RUNDC3B: variants seen among roughly 807,000 people sequenced by gnomAD.
The protein encoded by RUNDC3B is RUN domain containing 3B, also known as RUN domain-containing protein 3B.
Under a neutral mutation model 58.4 loss-of-function variants are expected in RUNDC3B, and 33 were observed. The observed-to-expected ratio is 0.56, with a 90% CI of 0.43 to 0.75. RUNDC3B has a LOEUF of 0.75. Ranked by LOEUF, RUNDC3B falls within the 30% of genes least tolerant of loss-of-function variation. The probability of loss-of-function intolerance (pLI) is 0.00; values close to 1 mark genes in which losing one functional copy is unlikely to be tolerated. For missense variants in RUNDC3B, 501 were observed against 535.7 expected, an observed-to-expected ratio of 0.94 and a Z score of 0.64; for synonymous variants, 193 against 195.2, an observed-to-expected ratio of 0.99 and a Z score of 0.10.
chr7:87,713,787 A>C (rs1016100050), intron 4 of RUNDC3B, among the ~76,000 whole-genome samples: 1 of 152,142 alleles, frequency 6.6e-6, no homozygotes, highest in Non-Finnish European at 1.5e-5. Flanking sequence ...TAATTAGTAA[A>C]TTTCAATTTA....
chr7:87,729,815 C>T (rs1831472716), intron 4 of RUNDC3B, among the ~76,000 whole-genome samples: 1 of 152,138 alleles, frequency 6.6e-6, no homozygotes, highest in Non-Finnish European at 1.5e-5. Context: ...CTGGAAGAGA[C>T]TCCTTCCCTC....
chr7:87,777,708 A>G, intron 7 of RUNDC3B, 90 bp from the exon 8 acceptor site: 2 of 947,122 alleles, frequency 2.1e-6, no homozygotes, highest in Non-Finnish European at 3.2e-6. Context: ...CAATATAAAT[A>G]GGAATAGCAT....
In RUNDC3B at chr7:87,628,771, TGGG is replaced by T. The variant is rs1313306306; in HGVS notation, c.-49_-47del. 2 of 1,098,406 alleles carry T rather than the reference TGGG, an allele frequency of 1.8e-6. No homozygotes were observed. Among genetic ancestry groups the T allele is most frequent in the Admixed American group, 8.5e-5 (2 of 23,490 alleles). 68.0% of individuals were successfully genotyped at this position (1,098,406 alleles called of 1,614,324 possible). A position where few individuals can be genotyped will look rare whatever the true frequency, so the allele number is the denominator to read the frequency against. ...GAGCGAGAACCCCCTTAAGCAGGTG[TGGG>T]GGGCGTGCGGGGTGGCACGAGACAA... On this transcript the variant is annotated 5_prime_UTR_variant, in exon 1 of 11. Coordinates refer to ENST00000394654, the MANE Select transcript of RUNDC3B (RefSeq NM_001134405.2).
At chr7:87,630,222 A>G (rs1411394402) in intron 1 of RUNDC3B, among the ~76,000 whole-genome samples, 2 of 152,178 alleles carry the variant, frequency 1.3e-5, no homozygotes, top group Non-Finnish European at 2.9e-5. Context: ...AAATGTGTCT[A>G]GCATCTTAAG....
intron 6 of RUNDC3B, among the ~76,000 whole-genome samples, chr7:87,765,679 T>TA (rs1166917896): frequency 3.9e-5 from 6 of 152,206 alleles, no homozygotes; most frequent in Non-Finnish European, 4.4e-5. Context: ...TTTCAGTTTT[T>TA]AAAAATTTAT....
At chr7:87,794,033 C>A (rs1046015892) in intron 8 of RUNDC3B, among the ~76,000 whole-genome samples, 1 of 152,034 alleles carries the variant, frequency 6.6e-6, no homozygotes, top group African/African-American at 2.4e-5. Flanking sequence ...TTTCTATATG[C>A]CAACAATGAA....
chr7:87,630,401 T>C (rs1821096088), intron 1 of RUNDC3B, among the ~76,000 whole-genome samples: 1 of 152,248 alleles, frequency 6.6e-6, no homozygotes. Flanking sequence ...TAAAGTAATA[T>C]GGTATCCGTT....
At chr7:87,695,139 T>G (rs575391893) in intron 2 of RUNDC3B, among the ~76,000 whole-genome samples, 9 of 152,282 alleles carry the variant, frequency 5.9e-5, no homozygotes, top group Admixed American at 3.3e-4. Context: ...AGATTCAATT[T>G]AAAGTGTAAC....
At chr7:87,807,231 A>G in intron 8 of RUNDC3B, 142 bp from the exon 9 acceptor site, 1 of 646,648 alleles carries the variant, frequency 1.5e-6, no homozygotes. Flanking sequence ...TGTCCCAACC[A>G]TCCTTGCTGT....
intron 1 of RUNDC3B, among the ~76,000 whole-genome samples, chr7:87,639,263 T>C (rs185712764): frequency 1.3e-5 from 2 of 152,156 alleles, no homozygotes; most frequent in South Asian, 2.1e-4. Flanking sequence ...GCAGAGAACA[T>C]ATTCTGAAAG....
In RUNDC3B at chr7:87,628,584, C is replaced by CGTGCGTGCGTGTGTGT. The variant is rs1468348829; in HGVS notation, c.-237_-236insCGTGCGTGTGTGTGTG. 7.2e-6 allele frequency: 2 copies of CGTGCGTGCGTGTGTGT among 278,404 alleles called. No homozygotes were observed. Among genetic ancestry groups the CGTGCGTGCGTGTGTGT allele is most frequent in the African/African-American group, 4.8e-5 (2 of 41,374 alleles). The allele number at this position is 278,404 out of a possible 1,614,324, so 17.2% of individuals were successfully genotyped here. A position where few individuals can be genotyped will look rare whatever the true frequency, so the allele number is the denominator to read the frequency against. On this transcript the variant is annotated 5_prime_UTR_variant, in exon 1 of 11. Coordinates refer to ENST00000394654, the MANE Select transcript of RUNDC3B (RefSeq NM_001134405.2). ...CGAGGGCGGAGGTGGTGCGTGCGTGCGTGTGTGTGTGTGTGTGTGTGTGTG... is the reference window on the plus strand; with the variant it reads ...CGAGGGCGGAGGTGGTGCGTGCGTGCGTGCGTGCGTGTGTGTGTGTGTGTGTGTGTGTGTGTGTGTG...
chr7:87,630,560 A>G (rs1199140837), intron 1 of RUNDC3B, among the ~76,000 whole-genome samples: 1 of 152,192 alleles, frequency 6.6e-6, no homozygotes, highest in Non-Finnish European at 1.5e-5. Context: ...GACATCAAAA[A>G]TTGCTTTAAA....
At chr7:87,800,005 C>G (rs1332167001) in intron 8 of RUNDC3B, among the ~76,000 whole-genome samples, 1 of 152,068 alleles carries the variant, frequency 6.6e-6, no homozygotes, top group African/African-American at 2.4e-5. Flanking sequence ...ATTGCTCACT[C>G]ACACTTTCAA....
At chr7:87,641,029 T>G (rs921706453) in intron 1 of RUNDC3B, among the ~76,000 whole-genome samples, 1 of 152,188 alleles carries the variant, frequency 6.6e-6, no homozygotes, top group African/African-American at 2.4e-5. Context: ...TTTTATGGTC[T>G]GCTTTTTCTC....
chr7:87,772,223 GTTTAATA>G (rs2130872384), intron 7 of RUNDC3B, among the ~76,000 whole-genome samples: 1 of 151,954 alleles, frequency 6.6e-6, no homozygotes, highest in South Asian at 2.1e-4. Flanking sequence ...ATAATTTAAT[GTTTAATA>G]ACAGCAATGT....
intron 2 of RUNDC3B, among the ~76,000 whole-genome samples, chr7:87,653,871 T>C (rs1029829518): frequency 6.6e-6 from 1 of 152,006 alleles, no homozygotes; most frequent in Non-Finnish European, 1.5e-5. Flanking sequence ...AGTAAAGTGC[T>C]TCAGATAGGC....
At chr7:87,814,462 G>A (rs1205979568) in intron 9 of RUNDC3B, among the ~76,000 whole-genome samples, 1 of 152,156 alleles carries the variant, frequency 6.6e-6, no homozygotes, top group Non-Finnish European at 1.5e-5. Context: ...GGAGTAGATA[G>A]CATAGTATTT....
chr7:87,652,158 ACT>A (rs1243021205), intron 2 of RUNDC3B, among the ~76,000 whole-genome samples: 1 of 152,058 alleles, frequency 6.6e-6, no homozygotes, highest in Non-Finnish European at 1.5e-5. Flanking sequence ...AATAGAATAG[ACT>A]CTGATGTACC....
At chr7:87,655,294 C>G (rs1395866733) in intron 2 of RUNDC3B, among the ~76,000 whole-genome samples, 2 of 152,048 alleles carry the variant, frequency 1.3e-5, no homozygotes, top group Non-Finnish European at 2.9e-5. Flanking sequence ...GGATTATTCA[C>G]ACTAGCTAAG....
Sources: allele counts gnomAD v4.1 joint callset (sites outside exome capture counted in the v4.1 genomes callset), GRCh38; gene constraint gnomAD v4.1.1; transcripts MANE v1.5; gene names NCBI Gene and HGNC (gene_info 2026-07-23, HGNC 2026-07-21).